Variants in ADAMTS3 observed in about 807,000 individuals in gnomAD.
The protein encoded by ADAMTS3 is ADAM metallopeptidase with thrombospondin type 1 motif 3.
In ADAMTS3, 73 loss-of-function variants were observed where a neutral mutation model predicts 129.0. The ratio of observed to expected loss-of-function variants is 0.57; its 90% CI spans 0.47 to 0.69. The LOEUF (loss-of-function observed/expected upper bound fraction) is 0.69. Among genes scored for constraint, ADAMTS3 ranks in the 30% least tolerant of loss-of-function variants. ADAMTS3 has a pLI of 0.00. For synonymous variants in ADAMTS3, 477 were observed against 510.8 expected (o/e 0.93, Z 0.89); for missense variants, 1,457 against 1,514.5 (o/e 0.96, Z 0.63).
intron 3 of ADAMTS3, among the ~76,000 whole-genome samples, chr4:72,444,012 T>C (rs1408085099): frequency 1.3e-5 from 2 of 151,758 alleles, no homozygotes; most frequent in African/African-American, 4.8e-5. Context: ...AGCCATTGTT[T>C]TTATCATCAT....
At chr4:72,500,128 T>C (rs1044071091) in intron 3 of ADAMTS3, among the ~76,000 whole-genome samples, 1 of 152,166 alleles carries the variant, frequency 6.6e-6, no homozygotes, top group Admixed American at 6.6e-5. Flanking sequence ...TTATTTTCTT[T>C]TGGATATATA....
chr4:72,543,027 A>T (rs1162417457), intron 3 of ADAMTS3, among the ~76,000 whole-genome samples: 2 of 152,204 alleles, frequency 1.3e-5, no homozygotes, highest in Non-Finnish European at 2.9e-5. Flanking sequence ...CTCAATTTCA[A>T]AATAGGATTT....
intron 3 of ADAMTS3, among the ~76,000 whole-genome samples, chr4:72,504,832 G>T (rs1027730138): frequency 6.6e-6 from 1 of 152,126 alleles, no homozygotes; most frequent in Non-Finnish European, 1.5e-5. Flanking sequence ...ATCTCTGAAA[G>T]TCCTTCTTCT....
At chr4:72,331,035 AAG>A (rs1719838095) in intron 5 of ADAMTS3, among the ~76,000 whole-genome samples, 1 of 152,212 alleles carries the variant, frequency 6.6e-6, no homozygotes, top group Non-Finnish European at 1.5e-5. Context: ...AGAAAGAAGA[AAG>A]TGTGAATTTC....
intron 4 of ADAMTS3, among the ~76,000 whole-genome samples, chr4:72,385,802 T>C (rs966834686): frequency 6.6e-6 from 1 of 152,132 alleles, no homozygotes; most frequent in African/African-American, 2.4e-5. Context: ...CTCAGCATCA[T>C]GCAATATACC....
At chr4:72,560,314 T>C (rs1208856686) in intron 2 of ADAMTS3, among the ~76,000 whole-genome samples, 2 of 151,396 alleles carry the variant, frequency 1.3e-5, no homozygotes, top group Non-Finnish European at 2.9e-5. Flanking sequence ...ACAAAATCAC[T>C]GAAAGCAATT....
chr4:72,362,014 T>G (rs1203482363), intron 4 of ADAMTS3, among the ~76,000 whole-genome samples: 1 of 152,084 alleles, frequency 6.6e-6, no homozygotes, highest in Non-Finnish European at 1.5e-5. Context: ...ATATAAGTTA[T>G]CTCCTCTCTT....
chr4:72,288,730 G>T, intron 21 of ADAMTS3, 21 bp downstream of exon 21: 1 of 1,468,680 alleles, frequency 6.8e-7, no homozygotes, highest in Non-Finnish European at 9.5e-7. Context: ...GAGCAGTGAA[G>T]TCAATTGGTG....
chr4:72,368,598 A>G (rs1720928440), intron 4 of ADAMTS3, among the ~76,000 whole-genome samples: 1 of 152,214 alleles, frequency 6.6e-6, no homozygotes, highest in African/African-American at 2.4e-5. Context: ...ATAAACTGAG[A>G]AAACAAAATG....
intron 3 of ADAMTS3, among the ~76,000 whole-genome samples, chr4:72,506,438 G>T (rs1720161092): frequency 6.6e-6 from 1 of 152,218 alleles, no homozygotes; most frequent in Non-Finnish European, 1.5e-5. Context: ...ACTTTCCAAA[G>T]TTCTGGCTGT....
chr4:72,397,798 C>G (rs1302154508), intron 4 of ADAMTS3, among the ~76,000 whole-genome samples: 1 of 152,048 alleles, frequency 6.6e-6, no homozygotes, highest in Non-Finnish European at 1.5e-5. Flanking sequence ...AGTGACAGAG[C>G]TGATAATTGC....
Position 72,455,948 on chromosome 4 carries a change from CAG to C in ADAMTS3, c.505-40979_505-40978del, listed in dbSNP as rs372055536. Among the ~76,000 whole-genome samples, 141 of 73,874 alleles carry C rather than the reference CAG, an allele frequency of 1.9e-3. 19 individuals are homozygous for C. The highest frequency in any genetic ancestry group is 8.6e-3 in the African/African-American group (138 of 16,052). 48.5% of individuals were successfully genotyped at this position (73,874 alleles called of 152,430 possible). ...ATATATTTTATATATAGTATATATA[CAG>C]TATATATACTATATATATTTTACAT... On this transcript the variant is annotated intron_variant, in intron 3 of 21. Coordinates refer to ENST00000286657, the MANE Select transcript of ADAMTS3 (RefSeq NM_014243.3).
intron 3 of ADAMTS3, among the ~76,000 whole-genome samples, chr4:72,491,327 C>CT (rs1401239631): frequency 1.3e-5 from 2 of 151,634 alleles, no homozygotes; most frequent in African/African-American, 4.8e-5. Context: ...GCTAAAACTT[C>CT]TGATACTATG....
intron 3 of ADAMTS3, among the ~76,000 whole-genome samples, chr4:72,539,504 A>C (rs60542025): frequency 6.6e-6 from 1 of 151,078 alleles, no homozygotes; most frequent in African/African-American, 2.4e-5. Context: ...AAAAAAAAAA[A>C]AAAAAAAAAC....
chr4:72,481,861 C>G (rs1024248295), intron 3 of ADAMTS3, among the ~76,000 whole-genome samples: 9 of 151,924 alleles, frequency 5.9e-5, no homozygotes, highest in African/African-American at 2.2e-4. Context: ...AAGCCATGAA[C>G]AGACATTTCA....
At chr4:72,565,335 TTA>T (rs1184174223) in intron 2 of ADAMTS3, among the ~76,000 whole-genome samples, 2 of 152,172 alleles carry the variant, frequency 1.3e-5, no homozygotes, top group Non-Finnish European at 2.9e-5. Flanking sequence ...CCCCAGGTAG[TTA>T]TATAAAACTA....
intron 3 of ADAMTS3, among the ~76,000 whole-genome samples, chr4:72,421,087 A>T (rs1338164070): frequency 6.6e-6 from 1 of 152,232 alleles, no homozygotes; most frequent in Non-Finnish European, 1.5e-5. Flanking sequence ...TAACGTTAGG[A>T]AACTGTCATA....
chr4:72,444,297 G>A (rs554824924), intron 3 of ADAMTS3, among the ~76,000 whole-genome samples: 8 of 151,728 alleles, frequency 5.3e-5, no homozygotes, highest in South Asian at 4.1e-4. Context: ...AGCAAATGAC[G>A]CATGATAAAA....
chr4:72,318,553 T>C lies in ADAMTS3; in HGVS notation c.1485+19A>G, dbSNP rs1223439206. Reference sequence around the variant, plus strand: ...TAGATTTCGAGCTGCAAAATCTACATCAACTGTGAGCAACATACCGCGGTG... The same window carrying C: ...TAGATTTCGAGCTGCAAAATCTACACCAACTGTGAGCAACATACCGCGGTG... On this transcript the variant is annotated intron_variant, in intron 10 of 21. Transcript: ENST00000286657. 1.2e-6 allele frequency: 2 copies of C among 1,610,618 alleles called. No individual in the cohort carries two copies. Among genetic ancestry groups the C allele is most frequent in the Middle Eastern group, 1.6e-4 (1 of 6,066 alleles).
Sources: gnomAD v4.1 joint callset for allele counts (sites outside exome capture counted in the v4.1 genomes callset) on GRCh38, gnomAD v4.1.1 for gene constraint, MANE v1.5 for transcripts, NCBI Gene and HGNC (gene_info 2026-07-23, HGNC 2026-07-21) for gene names.